PSD3: variants seen among roughly 807,000 people sequenced by gnomAD.
PSD3 encodes pleckstrin and Sec7 domain containing 3.
Under a neutral mutation model 105.5 loss-of-function variants are expected in PSD3, and 49 were observed. The ratio of observed to expected loss-of-function variants is 0.46; its 90% CI spans 0.37 to 0.59. PSD3 has a LOEUF of 0.59. Ranked by LOEUF, PSD3 falls within the 20% of genes least tolerant of loss-of-function variation. The pLI, the probability that PSD3 is intolerant of heterozygous loss-of-function variation, is 0.00. For synonymous variants in PSD3, 557 were observed against 457.8 expected, an observed-to-expected ratio of 1.22 and a Z score of -2.77; for missense variants, 1,561 against 1,263.8, an observed-to-expected ratio of 1.24 and a Z score of -3.57.
intron 4 of PSD3, among the ~76,000 whole-genome samples, chr8:18,811,363 C>T (rs576382359): frequency 2.4e-4 from 36 of 152,212 alleles, no homozygotes; most frequent in Non-Finnish European, 4.0e-4. Flanking sequence ...TCAATGAATA[C>T]GTATTTAATT....
chr8:18,670,163 G>A lies in PSD3; in HGVS notation c.2173-14478C>T, dbSNP rs2046667. 6.2e-3 allele frequency among the ~76,000 whole-genome samples: 944 copies of A among 152,280 alleles called. 7 individuals carry two copies. The highest frequency in any genetic ancestry group is 0.021 in the African/African-American group (878 of 41,566). ...GCCTCTGGGCAAGGAAACGTAAGAC[G>A]TGAGTGACCGGGAGCAGCCACGCAC... On this transcript the variant is annotated intron_variant, in intron 9 of 15. Transcript: ENST00000327040.
chr8:18,872,317 C>G lies in PSD3; in HGVS notation c.547G>C (p.Val183Leu). 6.2e-7 allele frequency: 1 copy of G among 1,614,156 alleles called. No individual in the cohort carries two copies. The highest frequency in any genetic ancestry group is 1.1e-5 in the South Asian group (1 of 91,080). Residue 183 changes from valine to leucine, a missense_variant, in exon 3 of 16, where the codon GTC becomes CTC. Coordinates refer to ENST00000327040, the MANE Select transcript of PSD3 (RefSeq NM_015310.4). Reference sequence around the variant, plus strand: ...TGGCCAGCAGGGAGCGTTTTGTTGACTCTCTGTGTTTTACGACTGGCAGTG... The same window carrying G: ...TGGCCAGCAGGGAGCGTTTTGTTGAGTCTCTGTGTTTTACGACTGGCAGTG... ...LDTASRKTQR[V>L]NKTLPAGQKN...
chr8:18,847,164 A>G (rs79497903), intron 4 of PSD3, among the ~76,000 whole-genome samples: 1,964 of 152,246 alleles, frequency 0.013, 44 homozygotes, highest in African/African-American at 0.044. Flanking sequence ...GCCCCTCTGA[A>G]AAGGGATGGA....
chr8:18,562,875 TGA>T (rs1242798105), intron 14 of PSD3, among the ~76,000 whole-genome samples: 1 of 150,524 alleles, frequency 6.6e-6, no homozygotes. Context: ...GGCGACAGAG[TGA>T]GACTCTGTCT....
chr8:18,680,597 G>T (rs1800328910), intron 9 of PSD3, among the ~76,000 whole-genome samples: 1 of 152,040 alleles, frequency 6.6e-6, no homozygotes, highest in Non-Finnish European at 1.5e-5. Flanking sequence ...TTTGCATCCT[G>T]CCCATATTAT....
chr8:18,919,149 T>A (rs1188641156), intron 2 of PSD3, among the ~76,000 whole-genome samples: 2 of 152,122 alleles, frequency 1.3e-5, no homozygotes, highest in Admixed American at 6.5e-5. Flanking sequence ...GAGTTTAAAT[T>A]CATACAAAAG....
chr8:18,922,148 C>A (rs1821061520), intron 2 of PSD3, among the ~76,000 whole-genome samples: 1 of 152,238 alleles, frequency 6.6e-6, no homozygotes, highest in East Asian at 1.9e-4. Context: ...CTGCTAAAAA[C>A]ATACTTTGTG....
chr8:18,575,397 G>T (rs1279701631), intron 12 of PSD3, 112 bp from the exon 13 acceptor site: 1 of 990,008 alleles, frequency 1.0e-6, no homozygotes, highest in Non-Finnish European at 1.4e-6. Context: ...GTAAGTGAAT[G>T]AAAAAAATGA....
At chr8:18,588,429 G>A (rs1440609416) in intron 12 of PSD3, among the ~76,000 whole-genome samples, 1 of 152,118 alleles carries the variant, frequency 6.6e-6, no homozygotes, top group Non-Finnish European at 1.5e-5. Context: ...AGAAGAGAGT[G>A]GAGACTGGTT....
intron 1 of PSD3, among the ~76,000 whole-genome samples, chr8:18,940,942 G>A (rs935646347): frequency 6.6e-6 from 1 of 152,152 alleles, no homozygotes; most frequent in African/African-American, 2.4e-5. Flanking sequence ...CCTGCACTGG[G>A]GGGTTATTCT....
intron 9 of PSD3, among the ~76,000 whole-genome samples, chr8:18,747,683 G>C (rs943305978): frequency 1.3e-5 from 2 of 152,128 alleles, no homozygotes; most frequent in Non-Finnish European, 2.9e-5. Context: ...CACATGGTAA[G>C]GAAGGTAGTG....
intron 8 of PSD3, among the ~76,000 whole-genome samples, chr8:18,797,724 T>A (rs540680286): frequency 6.6e-6 from 1 of 152,298 alleles, no homozygotes; most frequent in East Asian, 1.9e-4. Context: ...ATCAAAAATG[T>A]GACAAAAGCT....
At chr8:18,849,824 C>T (rs1815423536) in intron 4 of PSD3, 1 of 152,134 alleles carries the variant, frequency 6.6e-6, no homozygotes. Context: ...CAACCAGAAG[C>T]ACATCTTCCA....
intron 1 of PSD3, among the ~76,000 whole-genome samples, chr8:18,983,575 G>T (rs555783685): frequency 6.6e-6 from 1 of 152,276 alleles, no homozygotes; most frequent in African/African-American, 2.4e-5. Context: ...ATTTCATATT[G>T]TTGTGTCTCA....
At chr8:18,930,049 T>C (rs1009973820) in intron 2 of PSD3, among the ~76,000 whole-genome samples, 3 of 152,124 alleles carry the variant, frequency 2.0e-5, no homozygotes, top group Non-Finnish European at 4.4e-5. Context: ...ACCTATCTAA[T>C]AGGAACTGCA....
chr8:18,782,609 G>A (rs1412794295), intron 8 of PSD3, among the ~76,000 whole-genome samples: 1 of 152,188 alleles, frequency 6.6e-6, no homozygotes, highest in South Asian at 2.1e-4. Context: ...CGTGGATATT[G>A]GTAAAAGCAG....
intron 1 of PSD3, among the ~76,000 whole-genome samples, chr8:18,954,375 T>C (rs573021099): frequency 8.0e-6 from 1 of 125,760 alleles, no homozygotes; most frequent in Non-Finnish European, 1.9e-5. Flanking sequence ...AAAATTTAAT[T>C]TTTATAAGAA....
chr8:18,812,235 T>C (rs1563300803), intron 4 of PSD3, among the ~76,000 whole-genome samples: 1 of 152,188 alleles, frequency 6.6e-6, no homozygotes, highest in Non-Finnish European at 1.5e-5. Flanking sequence ...AGGAGAGCTG[T>C]GTTTCCCTTG....
At chr8:18,781,799 C>A (rs1800718717) in intron 8 of PSD3, among the ~76,000 whole-genome samples, 1 of 152,080 alleles carries the variant, frequency 6.6e-6, no homozygotes. Context: ...GTTTTCTATG[C>A]CATTACCCAT....
Sources: allele counts gnomAD v4.1 joint callset (sites outside exome capture counted in the v4.1 genomes callset), GRCh38; gene constraint gnomAD v4.1.1; transcripts MANE v1.5; gene names NCBI Gene and HGNC (gene_info 2026-07-23, HGNC 2026-07-21).